The following HERC2 variants were observed in gnomAD, a reference collection of about 807,000 sequenced individuals.
The protein encoded by HERC2 is E3 ubiquitin-protein ligase HERC2.
Under a neutral mutation model 537.7 loss-of-function variants are expected in HERC2, and 102 were observed. That is an observed-to-expected ratio of 0.19 (90% CI 0.16 to 0.22). HERC2 has a LOEUF of 0.22. HERC2 is among the 10% of genes least tolerant of loss of function. HERC2 has a pLI of 1.00. For synonymous variants in HERC2, 2,224 were observed against 2,466.2 expected, an observed-to-expected ratio of 0.90 and a Z score of 2.91; for missense variants, 4,236 against 6,198.2, an observed-to-expected ratio of 0.68 and a Z score of 10.63.
At chr15:28,137,415 C>T (rs896416794) in intron 78 of HERC2, among the ~76,000 whole-genome samples, 16 of 152,194 alleles carry the variant, frequency 1.1e-4, no homozygotes, top group Non-Finnish European at 2.2e-4. Flanking sequence ...TCTGTGGCAA[C>T]CCTACACTGA....
intron 44 of HERC2, among the ~76,000 whole-genome samples, chr15:28,207,998 T>G (rs978427058): frequency 5.3e-5 from 8 of 152,196 alleles, no homozygotes; most frequent in Admixed American, 4.6e-4. Context: ...ACAGACTTGA[T>G]CATCCTGATT....
At position 28,188,101 on chromosome 15, in the gene HERC2, G is replaced by GT. The variant is rs998967284; in HGVS notation, c.8650-1350dup. 1.7e-3 allele frequency among the ~76,000 whole-genome samples: 261 copies of GT among 149,370 alleles called. 3 individuals are homozygous for GT. Among genetic ancestry groups the GT allele is most frequent in the African/African-American group, 5.5e-3 (226 of 40,792 alleles). ...GAATGCTACAGGAAACAATTACTCA[G>GT]TTTTTTTTTTCTTTAGCAAGAAAAA... On this transcript the variant is annotated intron_variant, in intron 55 of 92. Coordinates refer to ENST00000261609, the MANE Select transcript of HERC2 (RefSeq NM_004667.6).
Position 28,254,474 on chromosome 15 carries a change from A to G in HERC2, c.2916T>C (p.Asp972=), listed in dbSNP as rs370549650. 1.8e-5 allele frequency: 29 copies of G among 1,602,104 alleles called. No homozygotes were observed. The African/African-American group carries it at 2.8e-4, about 16-fold the overall frequency. ...KKEAQKEKEI[D]EQEANASTFH... Reference sequence around the variant, plus strand: ...ATGTTGAGGCATTCGCTTCCTGTTCATCAATTTCTTTTTCCTTCTGTGCTT... The same window carrying G: ...ATGTTGAGGCATTCGCTTCCTGTTCGTCAATTTCTTTTTCCTTCTGTGCTT... The change falls in exon 20 of 93, where the codon GAT becomes GAC. Residue 972 remains aspartate (D), a synonymous_variant. Transcript: ENST00000261609.
chr15:28,125,026 C>T lies in HERC2; in HGVS notation c.12970G>A (p.Ala4324Thr). The change falls in exon 84 of 93, where the codon GCT becomes ACT. Residue 4324 changes from alanine (A) to threonine (T), a missense_variant. Ala to Thr is a moderately conservative substitution (Grantham distance 58). Around this residue, in one of 27 missense-constraint regions of HERC2, gnomAD observed 189 missense variants for 255.7 expected, o/e 0.74. Coordinates refer to ENST00000261609, the MANE Select transcript of HERC2 (RefSeq NM_004667.6). Reference protein sequence around the residue: ...LAWSTSKPASAGKLPAQVPME... With the variant: ...LAWSTSKPASTGKLPAQVPME... ...CTCACCTGTGCAGGGAGTTTGCCAGCACTGGCGGGCTTGCTGGTCGACCAG... is the reference window on the plus strand; with the variant it reads ...CTCACCTGTGCAGGGAGTTTGCCAGTACTGGCGGGCTTGCTGGTCGACCAG... 6.2e-7 allele frequency: 1 copy of T among 1,603,104 alleles called. No homozygotes were observed. Among genetic ancestry groups the T allele is most frequent in the Non-Finnish European group, 8.5e-7 (1 of 1,170,694 alleles).
rs1018479108 is a variant in HERC2, at chr15:28,268,889, G to A, written c.1447-273C>T. On this transcript the variant is annotated intron_variant, in intron 11 of 92. Coordinates refer to ENST00000261609, the MANE Select transcript of HERC2 (RefSeq NM_004667.6). This position sits in a 1 kb window ranked among gnomAD's most constrained non-coding sequence, Gnocchi z 4.7. Reference sequence around the variant, plus strand: ...CACAGAGACACGCAGCCGACAGGGAGGAACACCTCGCTTTAATGAAAACAT... The same window carrying A: ...CACAGAGACACGCAGCCGACAGGGAAGAACACCTCGCTTTAATGAAAACAT... 2.0e-5 allele frequency among the ~76,000 whole-genome samples: 3 copies of A among 152,126 alleles called. No homozygotes were observed. The highest frequency in any genetic ancestry group is 4.4e-5 in the Non-Finnish European group (3 of 68,022).
chr15:28,236,353 C>T (rs2346095), intron 26 of HERC2, among the ~76,000 whole-genome samples: 12,579 of 150,640 alleles, frequency 0.084, 953 homozygotes, highest in East Asian at 0.27. Flanking sequence ...TGCAGTGGCG[C>T]GATCTCGGCT....
At chr15:28,284,192 T>G (rs768715886) in intron 4 of HERC2, among the ~76,000 whole-genome samples, 3 of 152,090 alleles carry the variant, frequency 2.0e-5, no homozygotes, top group Non-Finnish European at 4.4e-5. Flanking sequence ...GGTTTAGAGA[T>G]GCTCAATCTG....
intron 89 of HERC2, among the ~76,000 whole-genome samples, chr15:28,115,076 C>T (rs1035674797): frequency 4.0e-5 from 6 of 151,848 alleles, no homozygotes; most frequent in Non-Finnish European, 8.8e-5. Flanking sequence ...TCCCTCCCTG[C>T]AGCCGAGGCA....
Position 28,111,854 on chromosome 15 carries a change from G to A in HERC2, c.14414C>T (p.Pro4805Leu), listed in dbSNP as rs1887682231. 1.9e-6 allele frequency: 3 copies of A among 1,614,092 alleles called. No homozygotes were observed. The highest frequency in any genetic ancestry group is 1.3e-5 in the African/African-American group (1 of 74,922). ...DYARIALTGEPAADDSSDDSD... is the reference protein window; with the variant it reads ...DYARIALTGELAADDSSDDSD... ...ATCGTCGCTGCTGTCGTCGGCGGCTGGCTCTCCTGTAAGTGCGATGCGAGC... is the reference window on the plus strand; with the variant it reads ...ATCGTCGCTGCTGTCGTCGGCGGCTAGCTCTCCTGTAAGTGCGATGCGAGC... The change falls in exon 93 of 93, where the codon CCA becomes CTA. Residue 4805 changes from proline (P) to leucine (L), a missense_variant. This residue lies in a region of HERC2 where 313 missense variants were observed against 462.6 expected (regional missense o/e 0.68). Coordinates refer to ENST00000261609, the MANE Select transcript of HERC2 (RefSeq NM_004667.6).
chr15:28,254,372 C>T lies in HERC2; in HGVS notation c.3018G>A (p.Leu1006=), dbSNP rs2075185814. The change falls in exon 20 of 93, where the codon TTG becomes TTA. Residue 1006 remains leucine, a synonymous_variant. Transcript: ENST00000261609. ...GCTGTTGTATGAGCTGAACCAGAGGCAAACACTGTTTGCCAGAAGACTCAC... is the reference window on the plus strand; with the variant it reads ...GCTGTTGTATGAGCTGAACCAGAGGTAAACACTGTTTGCCAGAAGACTCAC... ...GICESSGKQC[L]PLVQLIQQLL... 3.7e-6 allele frequency: 6 copies of T among 1,607,402 alleles called. No individual in the cohort carries two copies. The East Asian group carries it at 1.3e-4, about 36-fold the overall frequency.
At chr15:28,254,853 T>C (rs1402247964) in intron 19 of HERC2, among the ~76,000 whole-genome samples, 1 of 152,234 alleles carries the variant, frequency 6.6e-6, no homozygotes, top group Non-Finnish European at 1.5e-5. Context: ...AGCTGCTTTG[T>C]AAGGACAAGA....
Position 28,303,126 on chromosome 15 carries a change from T to C in HERC2, c.73-3610A>G, listed in dbSNP as rs568150220. ...TCCCCAATGTTTTCTTTTAGCACTT[T>C]CATAGTCTGAAGTCTTAGGTTTAAG... On this transcript the variant is annotated intron_variant, in intron 2 of 92. Coordinates refer to ENST00000261609, the MANE Select transcript of HERC2 (RefSeq NM_004667.6). 2.0e-4 allele frequency among the ~76,000 whole-genome samples: 30 copies of C among 152,284 alleles called. No individual in the cohort carries two copies. The East Asian group carries it at 2.1e-3, about 11-fold the overall frequency.
chr15:28,132,223 G>A lies in HERC2; in HGVS notation c.12447C>T (p.Ala4149=), dbSNP rs2142165394. The change falls in exon 81 of 93, where the codon GCC becomes GCT. Residue 4149 remains alanine, a synonymous_variant. Coordinates refer to ENST00000261609, the MANE Select transcript of HERC2 (RefSeq NM_004667.6). ...ALQGHRVVDI[A]CGSGDAQTLC... The stretch of plus-strand genomic sequence containing the variant: ...GGGTCTGGGCATCTCCACTGCCACA[G>A]GCGATGTCAACCACACGGTGGCCCT... 3.7e-6 allele frequency: 6 copies of A among 1,613,768 alleles called. No homozygotes were observed. The highest frequency in any genetic ancestry group is 2.2e-5 in the East Asian group (1 of 44,862).
At chr15:28,308,727 C>T (rs1300453381) in intron 2 of HERC2, among the ~76,000 whole-genome samples, 2 of 152,252 alleles carry the variant, frequency 1.3e-5, no homozygotes, top group Non-Finnish European at 2.9e-5. Flanking sequence ...ATGTTTCTTC[C>T]ATAACCAGTT....
intron 9 of HERC2, chr15:28,271,979 TA>T: frequency 1.9e-6 from 1 of 536,080 alleles, no homozygotes; most frequent in Non-Finnish European, 3.3e-6. Flanking sequence ...GGTATTTATT[TA>T]AAAGTGAATG....
chr15:28,295,369 A>G (rs2076439907), intron 3 of HERC2, among the ~76,000 whole-genome samples: 1 of 151,524 alleles, frequency 6.6e-6, no homozygotes, highest in Non-Finnish European at 1.5e-5. Context: ...CACAGGACAA[A>G]CCCAGCCCAC....
intron 52 of HERC2, among the ~76,000 whole-genome samples, chr15:28,192,903 T>G (rs1290669702): frequency 6.7e-6 from 1 of 150,038 alleles, no homozygotes; most frequent in Non-Finnish European, 1.5e-5. Flanking sequence ...AAAGTCAGAG[T>G]GAACTATGAA....
chr15:28,132,643 G>A lies in HERC2; in HGVS notation c.12408+10C>T, dbSNP rs1566927231. 11 of 1,483,280 alleles carry A rather than the reference G, an allele frequency of 7.4e-6. No individual in the cohort carries two copies. Among genetic ancestry groups the A allele is most frequent in the Middle Eastern group, 1.8e-4 (1 of 5,470 alleles). The allele number at this position is 1,483,280 out of a possible 1,614,324, so 91.9% of individuals were successfully genotyped here. On this transcript the variant is annotated intron_variant, in intron 80 of 92. Coordinates refer to ENST00000261609, the MANE Select transcript of HERC2 (RefSeq NM_004667.6). The stretch of plus-strand genomic sequence containing the variant: ...GCAGCCTCCGGCCTCTGCACACGGC[G>A]CCTCCTCACCAGCTTCGGCTTCAGC...
intron 20 of HERC2, 113 bp from the exon 21 acceptor site, chr15:28,248,849 G>T: frequency 1.2e-6 from 1 of 834,188 alleles, no homozygotes; most frequent in South Asian, 1.8e-5. Context: ...CATACATGAT[G>T]ACCTGCAGCT....
Sources: gnomAD v4.1 joint callset for allele counts (sites outside exome capture counted in the v4.1 genomes callset) on GRCh38, gnomAD v4.1.1 for gene constraint, gnomAD v4.1.1 regional missense constraint, Gnocchi (gnomAD v3.1) non-coding constraint, MANE v1.5 for transcripts, NCBI Gene and HGNC (gene_info 2026-07-23, HGNC 2026-07-21) for gene names.